MAGI2: variants seen among roughly 807,000 people sequenced by gnomAD.
MAGI2 encodes the protein membrane-associated guanylate kinase, WW and PDZ domain-containing protein 2.
Under a neutral mutation model 133.3 loss-of-function variants are expected in MAGI2, and 35 were observed. The ratio of observed to expected loss-of-function variants is 0.26; its 90% CI spans 0.20 to 0.35. MAGI2 has a LOEUF of 0.35. Ranked by LOEUF, MAGI2 falls within the 10% of genes least tolerant of loss-of-function variation. The probability of loss-of-function intolerance (pLI) is 1.00; values close to 1 mark genes in which losing one functional copy is unlikely to be tolerated. For synonymous variants in MAGI2, 729 were observed against 710.6 expected, an observed-to-expected ratio of 1.03 and a Z score of -0.41; for missense variants, 1,636 against 1,863.4, an observed-to-expected ratio of 0.88 and a Z score of 2.25.
intron 1 of MAGI2, among the ~76,000 whole-genome samples, chr7:79,395,025 C>T (rs1169271194): frequency 2.0e-5 from 3 of 152,048 alleles, no homozygotes; most frequent in Non-Finnish European, 2.9e-5. Context: ...TCAGTCATAG[C>T]TGTAGTACTC....
intron 3 of MAGI2, among the ~76,000 whole-genome samples, chr7:78,558,023 C>T (rs1800008230): frequency 6.6e-6 from 1 of 151,680 alleles, no homozygotes; most frequent in South Asian, 2.1e-4. Flanking sequence ...CTAAATTCTC[C>T]TACTTAAATA....
chr7:78,330,424 T>C lies in MAGI2; in HGVS notation c.1408+13354A>G, dbSNP rs1321498610. 5.0e-5 allele frequency among the ~76,000 whole-genome samples: 5 copies of C among 99,504 alleles called. 2 individuals carry two copies. In the South Asian group the frequency reaches 8.0e-4, roughly 16 times the overall value. The allele number at this position is 99,504 out of a possible 152,430, so 65.3% of individuals were successfully genotyped here. A position where few individuals can be genotyped will look rare whatever the true frequency, so the allele number is the denominator to read the frequency against. ...CGAGGTCAGGAGATCGAGACCATCC[T>C]GGCTAACACGGTGAAACCCTGTCTC... is the stretch of plus-strand genomic sequence containing the variant. On this transcript the variant is annotated intron_variant, in intron 9 of 21. Coordinates refer to ENST00000354212, the MANE Select transcript of MAGI2 (RefSeq NM_012301.4).
At chr7:78,632,620 ATACAGG>A (rs1809140330) in intron 2 of MAGI2, among the ~76,000 whole-genome samples, 1 of 152,260 alleles carries the variant, frequency 6.6e-6, no homozygotes, top group Non-Finnish European at 1.5e-5. Context: ...TTGGCGCCTC[ATACAGG>A]TATTTCTGAA....
intron 21 of MAGI2, among the ~76,000 whole-genome samples, chr7:78,020,232 C>G (rs1176657151): frequency 1.3e-5 from 2 of 152,196 alleles, no homozygotes; most frequent in African/African-American, 2.4e-5. Context: ...ACGCGAAGCC[C>G]AGGCCTAATC....
At chr7:78,174,203 G>A (rs1826375811) in intron 14 of MAGI2, among the ~76,000 whole-genome samples, 1 of 152,146 alleles carries the variant, frequency 6.6e-6, no homozygotes, top group South Asian at 2.1e-4. Context: ...ACCAGGCTAG[G>A]CTTGGAACAC....
At chr7:78,122,924 C>T (rs73138386) in intron 20 of MAGI2, among the ~76,000 whole-genome samples, 16,146 of 152,112 alleles carry the variant, frequency 0.11, 1,183 homozygotes, top group Non-Finnish European at 0.16. Flanking sequence ...AGATTTTATT[C>T]ACTAGCTATG....
intron 20 of MAGI2, among the ~76,000 whole-genome samples, chr7:78,117,485 T>C (rs1277552954): frequency 2.0e-5 from 3 of 152,082 alleles, no homozygotes. Flanking sequence ...CATCTACTCA[T>C]AATAAACTCT....
rs1183760429 is a variant in MAGI2, at chr7:78,978,129, A to G, written c.418+28961T>C. ...ACAGTTTGGCAGGTTCTTTAACACT[A>G]AATGGTCTTACTATATAATTTGGCA... On this transcript the variant is annotated intron_variant, in intron 2 of 21. Transcript: ENST00000354212. 3.3e-5 allele frequency among the ~76,000 whole-genome samples: 5 copies of G among 151,790 alleles called. No homozygotes were observed. The South Asian group carries it at 1.0e-3, about 31-fold the overall frequency.
intron 2 of MAGI2, among the ~76,000 whole-genome samples, chr7:78,891,644 T>A (rs1168257501): frequency 6.6e-6 from 1 of 152,186 alleles, no homozygotes; most frequent in Non-Finnish European, 1.5e-5. Flanking sequence ...ATTATCTCAA[T>A]AGATGCAGAA....
chr7:78,232,526 G>C (rs189553522), intron 10 of MAGI2, among the ~76,000 whole-genome samples: 2 of 152,124 alleles, frequency 1.3e-5, no homozygotes, highest in Non-Finnish European at 1.5e-5. Flanking sequence ...TGGTGTGTGC[G>C]GGTAAGGTGA....
intron 2 of MAGI2, among the ~76,000 whole-genome samples, chr7:78,680,511 C>T (rs889027429): frequency 1.3e-5 from 2 of 152,104 alleles, no homozygotes; most frequent in African/African-American, 4.8e-5. Flanking sequence ...AACATCCTAG[C>T]TGGCCTTTTA....
chr7:79,078,935 G>A (rs1815788679), intron 1 of MAGI2, among the ~76,000 whole-genome samples: 1 of 152,046 alleles, frequency 6.6e-6, no homozygotes, highest in Non-Finnish European at 1.5e-5. Context: ...AGTTAATGCA[G>A]GAAGAAAATA....
At chr7:79,290,569 A>AT (rs141831672) in intron 1 of MAGI2, among the ~76,000 whole-genome samples, 127 of 149,392 alleles carry the variant, frequency 8.5e-4, no homozygotes, top group African/African-American at 2.8e-3. Context: ...GCTTTCCCTC[A>AT]TTTTTTTTTC....
intron 3 of MAGI2, among the ~76,000 whole-genome samples, chr7:78,529,532 C>A (rs1364690300): frequency 6.6e-6 from 1 of 151,942 alleles, no homozygotes; most frequent in Non-Finnish European, 1.5e-5. Context: ...ATGAGTATAT[C>A]CCATTTAAAG....
intron 3 of MAGI2, among the ~76,000 whole-genome samples, chr7:78,602,781 C>T (rs1041053118): frequency 6.6e-6 from 1 of 152,064 alleles, no homozygotes; most frequent in African/African-American, 2.4e-5. Context: ...AATAGAAAAA[C>T]CTTTTCCACC....
intron 2 of MAGI2, among the ~76,000 whole-genome samples, chr7:78,818,459 C>T (rs1210871266): frequency 6.6e-6 from 1 of 152,102 alleles, no homozygotes; most frequent in Non-Finnish European, 1.5e-5. Flanking sequence ...TCTACTTATG[C>T]TATTTATGTG....
chr7:78,969,275 G>A lies in MAGI2; in HGVS notation c.418+37815C>T, dbSNP rs932503156. Among the ~76,000 whole-genome samples the A allele has an allele frequency of 2.6e-5, 4 of 151,996 alleles. No individual in the cohort carries two copies. In the South Asian group the frequency reaches 8.3e-4, roughly 31 times the overall value. ...ACACCTGGTCAAACCAATCCCCTGG[G>A]CCTTATGTAAATCAATCACCGCCTC... On this transcript the variant is annotated intron_variant, in intron 2 of 21. Coordinates refer to ENST00000354212, the MANE Select transcript of MAGI2 (RefSeq NM_012301.4).
chr7:78,859,089 T>C (rs1793926880), intron 2 of MAGI2, among the ~76,000 whole-genome samples: 1 of 152,152 alleles, frequency 6.6e-6, no homozygotes, highest in African/African-American at 2.4e-5. Flanking sequence ...TTCCATTTGC[T>C]TGGTAGATCT....
At chr7:78,615,163 A>C (rs1806945108) in intron 3 of MAGI2, 1 of 152,086 alleles carries the variant, frequency 6.6e-6, no homozygotes, top group South Asian at 2.1e-4. Flanking sequence ...ACCATTATAC[A>C]CATTTTCTTT....
Sources: allele counts gnomAD v4.1 joint callset (sites outside exome capture counted in the v4.1 genomes callset), GRCh38; gene constraint gnomAD v4.1.1; transcripts MANE v1.5; gene names NCBI Gene and HGNC (gene_info 2026-07-23, HGNC 2026-07-21).